BRD4: variants seen among roughly 807,000 people sequenced by gnomAD.
The protein encoded by BRD4 is bromodomain-containing protein 4.
In BRD4, 16 loss-of-function variants were observed where a neutral mutation model predicts 142.1. That is an observed-to-expected ratio of 0.11 (90% CI 0.08 to 0.17). BRD4 has a LOEUF of 0.17. Among genes scored for constraint, BRD4 ranks in the 10% least tolerant of loss-of-function variants. The pLI, the probability that BRD4 is intolerant of heterozygous loss-of-function variation, is 1.00. For missense variants in BRD4, 1,424 were observed against 1,810.9 expected (o/e 0.79, Z 3.88); for synonymous variants, 833 against 707.5 (o/e 1.18, Z -2.82).
At position 15,237,644 on chromosome 19, in the gene BRD4, G is replaced by GA. The variant is rs2047204173; in HGVS notation, c.*732dup. ...ATAGAAAAAAAAGAAAAAAAAAAACGAAACAGAAACACAGGTGGGAAGGAA... is the reference window on the plus strand; with the variant it reads ...ATAGAAAAAAAAGAAAAAAAAAAACGAAAACAGAAACACAGGTGGGAAGGAA... On this transcript the variant is annotated 3_prime_UTR_variant, in exon 20 of 20. Transcript: ENST00000679869. The GA allele has an allele frequency of 8.8e-6, 2 of 228,002 alleles. No homozygotes were observed. The highest frequency in any genetic ancestry group is 1.7e-5 in the Non-Finnish European group (2 of 115,196). 14.1% of individuals were successfully genotyped at this position (228,002 alleles called of 1,614,324 possible). A position where few individuals can be genotyped will look rare whatever the true frequency, so the allele number is the denominator to read the frequency against.
chr19:15,256,857 T>C, intron 8 of BRD4, 107 bp downstream of exon 8: 1 of 1,015,800 alleles, frequency 9.8e-7, no homozygotes, highest in Non-Finnish European at 1.4e-6. Flanking sequence ...GTGGGAATTA[T>C]GCTCCCTTGG....
intron 1 of BRD4, among the ~76,000 whole-genome samples, chr19:15,330,227 G>A (rs911584186): frequency 2.6e-5 from 4 of 152,166 alleles, no homozygotes; most frequent in Non-Finnish European, 5.9e-5. Flanking sequence ...ACTCCAGTTT[G>A]AGCCTTTAAG....
At chr19:15,316,607 GA>G (rs1214839843) in intron 1 of BRD4, among the ~76,000 whole-genome samples, 1 of 152,034 alleles carries the variant, frequency 6.6e-6, no homozygotes, top group Non-Finnish European at 1.5e-5. Context: ...AAAAGAAAAA[GA>G]AAAAGAAAAA....
chr19:15,253,634 C>T, intron 11 of BRD4: 1 of 1,597,114 alleles, frequency 6.3e-7, no homozygotes, highest in Non-Finnish European at 8.5e-7. Context: ...ATGGCAGGGC[C>T]AGCAGCAGAC....
Position 15,238,137 on chromosome 19 carries a change from T to A in BRD4, c.*240A>T, listed in dbSNP as rs1599427553. ...GCCGGCACTTGCTCGTAACAAGGCG[T>A]GTGCTGAGCGGACGTCCTGTGAGGG... On this transcript the variant is annotated 3_prime_UTR_variant, in exon 20 of 20. Transcript: ENST00000679869. This position sits in a 1 kb window ranked among gnomAD's most constrained non-coding sequence, Gnocchi z 7.2. 1.8e-6 allele frequency: 1 copy of A among 568,830 alleles called. No homozygotes were observed. Among genetic ancestry groups the A allele is most frequent in the Admixed American group, 3.2e-5 (1 of 30,838 alleles). 35.2% of individuals were successfully genotyped at this position (568,830 alleles called of 1,614,324 possible). A position where few individuals can be genotyped will look rare whatever the true frequency, so the allele number is the denominator to read the frequency against.
At chr19:15,253,738 T>C in intron 11 of BRD4, 5 of 1,598,294 alleles carry the variant, frequency 3.1e-6, no homozygotes, top group East Asian at 2.2e-5. Flanking sequence ...GTGACTGTGA[T>C]ACGGGGAAGG....
chr19:15,329,967 G>A (rs561598992), intron 1 of BRD4, among the ~76,000 whole-genome samples: 32 of 152,282 alleles, frequency 2.1e-4, no homozygotes, highest in Non-Finnish European at 3.8e-4. Context: ...GTTACTAAGT[G>A]GCCAATGATT....
intron 1 of BRD4, among the ~76,000 whole-genome samples, chr19:15,293,354 G>C (rs916533576): frequency 6.6e-6 from 1 of 152,128 alleles, no homozygotes; most frequent in African/African-American, 2.4e-5. Flanking sequence ...CCACTGGCAG[G>C]CTTATCTCAG....
At chr19:15,255,669 T>C (rs1599451037) in intron 9 of BRD4, 77 bp from the exon 10 acceptor site, 4 of 1,506,164 alleles carry the variant, frequency 2.7e-6, no homozygotes, top group East Asian at 2.3e-5. Flanking sequence ...CACATGTATG[T>C]TGGGGGGAAG....
At chr19:15,271,465 C>A (rs1175493962) in intron 2 of BRD4, among the ~76,000 whole-genome samples, 1 of 152,204 alleles carries the variant, frequency 6.6e-6, no homozygotes, top group Non-Finnish European at 1.5e-5. Flanking sequence ...ATGTTGGAAT[C>A]TGGGGAAATG....
At chr19:15,330,612 C>CA (rs2048148651) in intron 1 of BRD4, among the ~76,000 whole-genome samples, 1 of 151,988 alleles carries the variant, frequency 6.6e-6, no homozygotes, top group African/African-American at 2.4e-5. Context: ...CCTAAAAATG[C>CA]AAAAATTAGC....
At chr19:15,261,691 G>A (rs1401779921) in intron 7 of BRD4, among the ~76,000 whole-genome samples, 2 of 152,036 alleles carry the variant, frequency 1.3e-5, no homozygotes, top group African/African-American at 4.8e-5. Context: ...CTGTAATCCT[G>A]GTAGTATGGG....
intron 11 of BRD4, chr19:15,247,472 C>T (rs560767579): frequency 2.6e-4 from 60 of 233,048 alleles, no homozygotes; most frequent in African/African-American, 1.0e-3. Flanking sequence ...GGAAGCCCCA[C>T]GGGCAAGAAG....
chr19:15,257,390 G>A (rs1267109548), intron 7 of BRD4: 2 of 578,334 alleles, frequency 3.5e-6, no homozygotes, highest in Non-Finnish European at 6.1e-6. Flanking sequence ...TCACTTTGAA[G>A]AACAAGGTGG....
At chr19:15,286,408 T>C (rs1254238360) in intron 1 of BRD4, among the ~76,000 whole-genome samples, 1 of 152,222 alleles carries the variant, frequency 6.6e-6, no homozygotes, top group East Asian at 1.9e-4. Flanking sequence ...GTGGAGGGCA[T>C]GGGAGAGGAA....
intron 1 of BRD4, among the ~76,000 whole-genome samples, chr19:15,330,445 C>G (rs1188177708): frequency 6.6e-6 from 1 of 152,130 alleles, no homozygotes; most frequent in Non-Finnish European, 1.5e-5. Context: ...AATCCCCACC[C>G]AAATTAAACC....
chr19:15,273,331 G>A (rs1474566541), intron 1 of BRD4, among the ~76,000 whole-genome samples, 198 bp from the exon 2 acceptor site: 3 of 152,182 alleles, frequency 2.0e-5, no homozygotes, highest in Admixed American at 6.5e-5. Flanking sequence ...CCCTCCAGCA[G>A]GGAGGAGACC....
chr19:15,247,897 C>G (rs1188182433), intron 11 of BRD4: 1 of 228,108 alleles, frequency 4.4e-6, no homozygotes, highest in Non-Finnish European at 8.7e-6. Context: ...CTGGTGAGGC[C>G]AGGGCTAGCC....
intron 9 of BRD4, 39 bp from the exon 10 acceptor site, chr19:15,255,631 C>T: frequency 6.4e-7 from 1 of 1,554,012 alleles, no homozygotes; most frequent in Non-Finnish European, 8.7e-7. Flanking sequence ...AGAACGGGCC[C>T]CCTGAGGAAG....
Sources: gnomAD v4.1 joint callset for allele counts (sites outside exome capture counted in the v4.1 genomes callset) on GRCh38, gnomAD v4.1.1 for gene constraint, Gnocchi (gnomAD v3.1) non-coding constraint, MANE v1.5 for transcripts, NCBI Gene and HGNC (gene_info 2026-07-23, HGNC 2026-07-21) for gene names.